ASIC2: variants seen among roughly 807,000 people sequenced by gnomAD.
ASIC2 encodes acid-sensing ion channel 2.
ASIC2 carries 25 observed loss-of-function variants against 57.3 expected under a neutral mutation model. The ratio of observed to expected loss-of-function variants is 0.44; its 90% confidence interval spans 0.32 to 0.61. The LOEUF is 0.61. Among genes scored for constraint, ASIC2 ranks in the 20% least tolerant of loss-of-function variants. The pLI is 0.06. For missense variants in ASIC2, 641 were observed against 738.1 expected (o/e 0.87, Z 1.52); for synonymous variants, 319 against 307.5 (o/e 1.04, Z -0.39).
At chr17:33,420,588 T>C (rs1217392710) in intron 1 of ASIC2, among the ~76,000 whole-genome samples, 1 of 152,190 alleles carries the variant, frequency 6.6e-6, no homozygotes, top group East Asian at 1.9e-4. Context: ...GTTGTTTGCT[T>C]TCAGGAGTCT....
chr17:33,256,950 C>T (rs1909103120), intron 1 of ASIC2, among the ~76,000 whole-genome samples: 2 of 152,178 alleles, frequency 1.3e-5, no homozygotes, highest in African/African-American at 4.8e-5. Flanking sequence ...CAGACTTAAG[C>T]CTCCTGAGGA....
At chr17:33,907,689 G>A (rs1268978075) in intron 1 of ASIC2, among the ~76,000 whole-genome samples, 1 of 152,084 alleles carries the variant, frequency 6.6e-6, no homozygotes, top group Non-Finnish European at 1.5e-5. Context: ...AAGGCAACGT[G>A]GAGATCTGTC....
intron 8 of ASIC2, among the ~76,000 whole-genome samples, chr17:33,016,381 C>T (rs1310015668): frequency 6.6e-6 from 1 of 152,092 alleles, no homozygotes; most frequent in African/African-American, 2.4e-5. Flanking sequence ...CTTGGGACCC[C>T]CTTTCTGTGG....
chr17:33,722,495 T>C (rs1909418447), intron 1 of ASIC2, among the ~76,000 whole-genome samples: 2 of 151,974 alleles, frequency 1.3e-5, no homozygotes, highest in South Asian at 2.1e-4. Context: ...CTGGGTGTGG[T>C]GTGGCCCATG....
chr17:33,747,378 C>T (rs1214426956), intron 1 of ASIC2, among the ~76,000 whole-genome samples: 1 of 152,032 alleles, frequency 6.6e-6, no homozygotes, highest in African/African-American at 2.4e-5. Context: ...CATGCACCAC[C>T]ACGCCCAGCT....
chr17:33,543,226 T>C (rs1247276978), intron 1 of ASIC2, among the ~76,000 whole-genome samples: 1 of 151,358 alleles, frequency 6.6e-6, no homozygotes, highest in Non-Finnish European at 1.5e-5. Context: ...GCATGGCACA[T>C]GTATACATAT....
intron 1 of ASIC2, among the ~76,000 whole-genome samples, chr17:33,753,656 G>C (rs1910503762): frequency 1.3e-5 from 2 of 152,190 alleles, no homozygotes; most frequent in African/African-American, 4.8e-5. Context: ...AATCGGAAGT[G>C]AGATACAGAA....
chr17:33,142,073 A>G (rs1904338480), intron 1 of ASIC2, among the ~76,000 whole-genome samples: 1 of 152,224 alleles, frequency 6.6e-6, no homozygotes, highest in South Asian at 2.1e-4. Context: ...ACCCCTCAAG[A>G]GCAAAGACCA....
At chr17:33,434,972 G>A (rs1911556775) in intron 1 of ASIC2, among the ~76,000 whole-genome samples, 1 of 152,080 alleles carries the variant, frequency 6.6e-6, no homozygotes, top group Non-Finnish European at 1.5e-5. Flanking sequence ...TGTTGAGTAG[G>A]TAATGTGAGA....
chr17:33,541,815 G>A (rs1915420519), intron 1 of ASIC2, among the ~76,000 whole-genome samples: 1 of 152,108 alleles, frequency 6.6e-6, no homozygotes, highest in African/African-American at 2.4e-5. Context: ...GATCCCAGGT[G>A]CTCTGCTTCC....
At position 34,044,011 on chromosome 17, in the gene ASIC2, T is replaced by C. The variant is rs74345630; in HGVS notation, c.555+111967A>G. Among the ~76,000 whole-genome samples the C allele has an allele frequency of 9.2e-3, 1,395 of 152,316 alleles. 11 individuals carry two copies. The highest frequency in any genetic ancestry group is 0.015 in the Non-Finnish European group (1,003 of 68,032). The stretch of plus-strand genomic sequence containing the variant: ...ATTCCAAAGGCATGCATACCCTCCC[T>C]GTTGAGGACACACAAAGATGCAACA... On this transcript the variant is annotated intron_variant, in intron 1 of 9. Transcript: ENST00000359872.
chr17:33,026,055 G>T, intron 4 of ASIC2, 73 bp from the exon 5 acceptor site: 1 of 1,549,058 alleles, frequency 6.5e-7, no homozygotes, highest in Non-Finnish European at 8.8e-7. Context: ...CTCTGCTTTG[G>T]GCTTAGGGAA....
chr17:33,290,037 A>G (rs1005133233), intron 1 of ASIC2, among the ~76,000 whole-genome samples: 2 of 152,234 alleles, frequency 1.3e-5, no homozygotes, highest in Non-Finnish European at 2.9e-5. Context: ...TTGCCAAAGC[A>G]GGGAGCCATC....
intron 1 of ASIC2, among the ~76,000 whole-genome samples, chr17:34,129,460 T>C (rs1911888499): frequency 6.6e-6 from 1 of 152,202 alleles, no homozygotes; most frequent in Non-Finnish European, 1.5e-5. Context: ...GCATTTGATA[T>C]ACACACACAT....
intron 1 of ASIC2, among the ~76,000 whole-genome samples, chr17:33,455,376 G>T (rs1281995323): frequency 6.6e-6 from 1 of 152,092 alleles, no homozygotes; most frequent in African/African-American, 2.4e-5. Flanking sequence ...CGTGTCTATT[G>T]TTCCAGTCTT....
At chr17:34,029,067 C>T (rs1308092920) in intron 1 of ASIC2, among the ~76,000 whole-genome samples, 2 of 151,926 alleles carry the variant, frequency 1.3e-5, no homozygotes, top group East Asian at 1.9e-4. Context: ...CTTGATCATC[C>T]CCCTCCTACC....
chr17:33,392,364 A>C (rs997331846), intron 1 of ASIC2, among the ~76,000 whole-genome samples: 9 of 151,740 alleles, frequency 5.9e-5, no homozygotes, highest in Admixed American at 2.0e-4. Flanking sequence ...ACTGAGTTGA[A>C]TAGATTCTTA....
At chr17:33,733,454 T>G (rs1909809471) in intron 1 of ASIC2, among the ~76,000 whole-genome samples, 2 of 152,166 alleles carry the variant, frequency 1.3e-5, no homozygotes, top group South Asian at 4.1e-4. Context: ...CCTGGACAAC[T>G]AGGAGAGTTG....
At chr17:33,429,369 G>A (rs1193219143) in intron 1 of ASIC2, among the ~76,000 whole-genome samples, 1 of 152,020 alleles carries the variant, frequency 6.6e-6, no homozygotes, top group Non-Finnish European at 1.5e-5. Flanking sequence ...AGCCTAGGTA[G>A]TTTTTTGTTT....
Sources: allele counts gnomAD v4.1 joint callset (sites outside exome capture counted in the v4.1 genomes callset), GRCh38; gene constraint gnomAD v4.1.1; transcripts MANE v1.5; gene names NCBI Gene and HGNC (gene_info 2026-07-23, HGNC 2026-07-21).